SUGCT: variants seen among roughly 807,000 people sequenced by gnomAD.
SUGCT encodes the protein succinyl-CoA:glutarate CoA-transferase.
In SUGCT, 41 loss-of-function variants were observed where a neutral mutation model predicts 55.0. The observed-to-expected ratio is 0.74, with a 90% CI of 0.58 to 0.97. SUGCT has a LOEUF of 0.97. SUGCT is among the 50% of genes least tolerant of loss of function. SUGCT has a pLI of 0.00. For synonymous variants in SUGCT, 187 were observed against 200.4 expected (o/e 0.93, Z 0.56); for missense variants, 568 against 547.8 (o/e 1.04, Z -0.37).
chr7:40,224,307 T>C (rs1449206026), intron 6 of SUGCT, among the ~76,000 whole-genome samples: 1 of 152,154 alleles, frequency 6.6e-6, no homozygotes, highest in Non-Finnish European at 1.5e-5. Context: ...AGACAAATTT[T>C]GCGATTTATT....
chr7:41,001,970 A>G, the SUGCT span, among the ~76,000 whole-genome samples: 2 of 152,342 alleles, frequency 1.3e-5, no homozygotes, highest in South Asian at 4.1e-4. Flanking sequence ...ACAAGAGTGC[A>G]TGAGAGCTGG....
chr7:40,604,394 C>G (rs1236550267), intron 12 of SUGCT, among the ~76,000 whole-genome samples: 1 of 152,134 alleles, frequency 6.6e-6, no homozygotes, highest in Non-Finnish European at 1.5e-5. Flanking sequence ...ACTGGCCCTT[C>G]CTCTTACATA....
intron 13 of SUGCT, among the ~76,000 whole-genome samples, chr7:40,825,099 T>C (rs1415242285): frequency 4.6e-5 from 7 of 152,066 alleles, no homozygotes; most frequent in Non-Finnish European, 1.0e-4. Flanking sequence ...ATGTTAAAGG[T>C]TGTGCAGGAG....
chr7:40,239,509 T>C (rs1789238148), intron 7 of SUGCT, among the ~76,000 whole-genome samples: 1 of 152,220 alleles, frequency 6.6e-6, no homozygotes, highest in Admixed American at 6.5e-5. Flanking sequence ...ATGGTTTTAT[T>C]TAAGGGTGTT....
chr7:41,031,997 G>T, the SUGCT span, among the ~76,000 whole-genome samples: 3 of 54,002 alleles, frequency 5.6e-5, no homozygotes, highest in African/African-American at 1.1e-4. Flanking sequence ...GGGTCTCAAT[G>T]AATGAATGAA....
At chr7:40,886,774 C>A in the SUGCT span, among the ~76,000 whole-genome samples, 1 of 152,124 alleles carries the variant, frequency 6.6e-6, no homozygotes, top group African/African-American at 2.4e-5. Flanking sequence ...AGTAAGCATC[C>A]CAGCATATGC....
chr7:40,906,820 A>G, the SUGCT span, among the ~76,000 whole-genome samples: 116 of 152,342 alleles, frequency 7.6e-4, no homozygotes, highest in African/African-American at 2.7e-3. Context: ...GAGGAGAAGT[A>G]GAATAAGCAC....
chr7:41,025,617 AC>A, the SUGCT span, among the ~76,000 whole-genome samples: 9 of 152,152 alleles, frequency 5.9e-5, no homozygotes, highest in African/African-American at 1.9e-4. Flanking sequence ...GGCATCCCAA[AC>A]TGCTGGGATT....
intron 9 of SUGCT, among the ~76,000 whole-genome samples, chr7:40,318,779 T>C (rs2151115604): frequency 6.6e-6 from 1 of 152,320 alleles, no homozygotes. Flanking sequence ...CATTCCTGAG[T>C]TGGAAGATTC....
intron 12 of SUGCT, among the ~76,000 whole-genome samples, chr7:40,642,356 A>G (rs1358772707): frequency 1.3e-5 from 2 of 152,160 alleles, no homozygotes; most frequent in African/African-American, 2.4e-5. Context: ...TGTATTCTGT[A>G]AAGTGTTTGG....
chr7:40,665,796 C>T (rs979081806), intron 12 of SUGCT, among the ~76,000 whole-genome samples: 24 of 151,968 alleles, frequency 1.6e-4, no homozygotes, highest in Admixed American at 2.6e-4. Flanking sequence ...GGTGGGAGCA[C>T]AGGATGTGAC....
chr7:40,995,804 A>AAGCTT, the SUGCT span, among the ~76,000 whole-genome samples: 1 of 152,158 alleles, frequency 6.6e-6, no homozygotes, highest in South Asian at 2.1e-4. Flanking sequence ...GTTGCACCTC[A>AAGCTT]AGCTGAACAG....
chr7:40,429,534 C>T (rs772987612), intron 9 of SUGCT, among the ~76,000 whole-genome samples: 23 of 152,142 alleles, frequency 1.5e-4, no homozygotes, highest in South Asian at 2.1e-4. Context: ...CAAAGGTCCA[C>T]GAGTCCAAAA....
At chr7:40,539,505 G>C (rs1794557775) in intron 12 of SUGCT, 1 of 152,090 alleles carries the variant, frequency 6.6e-6, no homozygotes, top group African/African-American at 2.4e-5. Context: ...GCAAAAAGAA[G>C]GCAAATCAGT....
intron 9 of SUGCT, among the ~76,000 whole-genome samples, chr7:40,408,456 G>C (rs1372641288): frequency 3.9e-5 from 6 of 151,962 alleles, no homozygotes; most frequent in Non-Finnish European, 8.8e-5. Flanking sequence ...AACTCCTCAT[G>C]AAGTCCTAAT....
At chr7:40,912,693 A>G in the SUGCT span, among the ~76,000 whole-genome samples, 1 of 151,728 alleles carries the variant, frequency 6.6e-6, no homozygotes, top group Non-Finnish European at 1.5e-5. Context: ...TTTCCAAATT[A>G]AAAACAATTG....
chr7:40,875,243 G>A, the SUGCT span, among the ~76,000 whole-genome samples: 2 of 152,188 alleles, frequency 1.3e-5, no homozygotes, highest in African/African-American at 4.8e-5. Flanking sequence ...TTGTTGAATT[G>A]GACTGTTGAG....
chr7:40,251,076 AC>A (rs964324394), intron 7 of SUGCT, among the ~76,000 whole-genome samples: 8 of 151,352 alleles, frequency 5.3e-5, no homozygotes, highest in Admixed American at 3.9e-4. Flanking sequence ...TGATCCATCC[AC>A]CCCGGCCTCC....
chr7:40,514,777 C>T (rs948514488), intron 12 of SUGCT, among the ~76,000 whole-genome samples: 7 of 149,212 alleles, frequency 4.7e-5, no homozygotes, highest in African/African-American at 1.7e-4. Flanking sequence ...GCTTCAAAGC[C>T]AGCAACACAT....
Sources: gnomAD v4.1 joint callset for allele counts (sites outside exome capture counted in the v4.1 genomes callset) on GRCh38, gnomAD v4.1.1 for gene constraint, MANE v1.5 for transcripts, NCBI Gene and HGNC (gene_info 2026-07-23, HGNC 2026-07-21) for gene names.